Variants in SAMTOR observed in about 807,000 individuals in gnomAD.
SAMTOR encodes the protein UPF0532 protein C7orf60.
chr7:112,917,866 A>C, the SAMTOR span, among the ~76,000 whole-genome samples: 2 of 152,190 alleles, frequency 1.3e-5, no homozygotes, highest in African/African-American at 4.8e-5. Context: ...AGATGAAATG[A>C]ATGAAATGAA....
chr7:112,822,533 C>T, the SAMTOR span, among the ~76,000 whole-genome samples: 1 of 152,070 alleles, frequency 6.6e-6, no homozygotes, highest in Non-Finnish European at 1.5e-5. Flanking sequence ...TATTCAACCA[C>T]AACTTTTACA....
At chr7:112,932,967 G>A in the SAMTOR span, among the ~76,000 whole-genome samples, 1 of 152,104 alleles carries the variant, frequency 6.6e-6, no homozygotes, top group Non-Finnish European at 1.5e-5. Flanking sequence ...TAAACTTCCA[G>A]TACAACAGTA....
chr7:112,860,111 A>G, the SAMTOR span, among the ~76,000 whole-genome samples: 1 of 152,162 alleles, frequency 6.6e-6, no homozygotes, highest in South Asian at 2.1e-4. Flanking sequence ...ATACACAAAT[A>G]CCATTGTTAC....
At chr7:112,847,975 C>G in the SAMTOR span, among the ~76,000 whole-genome samples, 1 of 151,852 alleles carries the variant, frequency 6.6e-6, no homozygotes, top group African/African-American at 2.4e-5. Context: ...ACTGTCTCTT[C>G]AAAAAATTTA....
the SAMTOR span, among the ~76,000 whole-genome samples, chr7:112,860,480 T>TA: frequency 6.6e-6 from 1 of 152,176 alleles, no homozygotes; most frequent in Non-Finnish European, 1.5e-5. Context: ...GCGACTGTAT[T>TA]GAGTTTTCTT....
At chr7:112,848,033 G>A in the SAMTOR span, among the ~76,000 whole-genome samples, 2 of 151,784 alleles carry the variant, frequency 1.3e-5, no homozygotes, top group African/African-American at 4.8e-5. Flanking sequence ...CATGCCTGTA[G>A]CCCTAGCTAC....
chr7:112,928,155 A>G, the SAMTOR span, among the ~76,000 whole-genome samples: 13 of 152,048 alleles, frequency 8.5e-5, no homozygotes, highest in African/African-American at 3.1e-4. Context: ...AAACAAGTAC[A>G]AGGAAATGGG....
chr7:112,894,899 T>C, the SAMTOR span, among the ~76,000 whole-genome samples: 6 of 152,196 alleles, frequency 3.9e-5, no homozygotes, highest in African/African-American at 1.4e-4. Context: ...TTGTAAAAAA[T>C]GTAATATCTG....
chr7:112,890,127 C>A, the SAMTOR span, among the ~76,000 whole-genome samples: 22 of 152,038 alleles, frequency 1.4e-4, no homozygotes, highest in South Asian at 3.7e-3. Flanking sequence ...GATGGGGAGG[C>A]TATGTGAATA....
the SAMTOR span, among the ~76,000 whole-genome samples, chr7:112,824,331 T>G: frequency 6.6e-6 from 1 of 152,098 alleles, no homozygotes; most frequent in Admixed American, 6.6e-5. Flanking sequence ...CATTTAGGTC[T>G]ATGATACATT....
the SAMTOR span, among the ~76,000 whole-genome samples, chr7:112,854,107 G>A: frequency 6.6e-6 from 1 of 151,972 alleles, no homozygotes; most frequent in African/African-American, 2.4e-5. Flanking sequence ...AAAATCATTA[G>A]TTCCTCTTGT....
At chr7:112,824,272 T>C in the SAMTOR span, among the ~76,000 whole-genome samples, 3 of 152,188 alleles carry the variant, frequency 2.0e-5, no homozygotes, top group Non-Finnish European at 4.4e-5. Context: ...TCATAAAGAC[T>C]TTTTTTCAAA....
chr7:112,878,819 T>A, the SAMTOR span, among the ~76,000 whole-genome samples: 1 of 152,126 alleles, frequency 6.6e-6, no homozygotes, highest in African/African-American at 2.4e-5. Flanking sequence ...GTAAAAGAGC[T>A]GGCATTATTG....
the SAMTOR span, among the ~76,000 whole-genome samples, chr7:112,900,212 G>A: frequency 6.6e-6 from 1 of 152,146 alleles, no homozygotes; most frequent in Non-Finnish European, 1.5e-5. Context: ...CCCACAATCT[G>A]CTATGCCTAA....
At chr7:112,909,374 C>CT in the SAMTOR span, among the ~76,000 whole-genome samples, 2 of 152,034 alleles carry the variant, frequency 1.3e-5, no homozygotes, top group African/African-American at 4.8e-5. Flanking sequence ...AAAAGGGAGT[C>CT]TTTTTTGAGT....
At chr7:112,893,291 C>T in the SAMTOR span, among the ~76,000 whole-genome samples, 1 of 152,204 alleles carries the variant, frequency 6.6e-6, no homozygotes, top group African/African-American at 2.4e-5. Flanking sequence ...CAGTTGTTTA[C>T]TGTAGCCACT....
chr7:112,847,829 A>G, the SAMTOR span, among the ~76,000 whole-genome samples: 16 of 151,910 alleles, frequency 1.1e-4, no homozygotes, highest in African/African-American at 3.1e-4. Context: ...TAGAAGCCCA[A>G]GTTCTAAAAA....
the SAMTOR span, among the ~76,000 whole-genome samples, chr7:112,849,672 T>C: frequency 6.6e-6 from 1 of 152,192 alleles, no homozygotes; most frequent in Non-Finnish European, 1.5e-5. Context: ...CTTTGTCTTG[T>C]TCCAGTTCTT....
the SAMTOR span, among the ~76,000 whole-genome samples, chr7:112,922,896 C>G: frequency 6.3e-5 from 9 of 143,912 alleles, no homozygotes; most frequent in South Asian, 9.2e-4. Context: ...TCAGCCCCCC[C>G]CCCCCGGGCC....
Sources: gnomAD v4.1 joint callset for allele counts (sites outside exome capture counted in the v4.1 genomes callset) on GRCh38, gnomAD v4.1.1 for gene constraint, MANE v1.5 for transcripts, NCBI Gene and HGNC (gene_info 2026-07-23, HGNC 2026-07-21) for gene names.